Variants in GAN observed in about 807,000 individuals in gnomAD.
GAN encodes the protein epididymis secretory sperm binding protein.
A neutral mutation model predicts 71.3 loss-of-function variants in GAN; 48 were observed. The ratio of observed to expected loss-of-function variants is 0.67; its 90% CI spans 0.53 to 0.86. The LOEUF is 0.86. Among genes scored for constraint, GAN ranks in the 40% least tolerant of loss-of-function variants. The pLI is 0.00. For missense variants in GAN, 928 were observed against 770.1 expected, an observed-to-expected ratio of 1.21 and a Z score of -2.43; for synonymous variants, 386 against 276.8, an observed-to-expected ratio of 1.39 and a Z score of -3.92.
At chr16:81,319,733 G>C (rs1183857205) in intron 1 of GAN, among the ~76,000 whole-genome samples, 1 of 151,758 alleles carries the variant, frequency 6.6e-6, no homozygotes, top group African/African-American at 2.4e-5. Context: ...TTTGAGAGAA[G>C]GCAGGTCTAG....
At chr16:81,327,497 C>G (rs571870832) in intron 1 of GAN, among the ~76,000 whole-genome samples, 71 of 152,278 alleles carry the variant, frequency 4.7e-4, no homozygotes, top group African/African-American at 1.5e-3. Flanking sequence ...TTAAAGTTCA[C>G]TTAATGCTTC....
Position 81,365,572 on chromosome 16 carries a change from A to G in GAN, c.1502+94A>G, listed in dbSNP as rs895157388. The stretch of plus-strand genomic sequence containing the variant: ...GTTTAGTTTTGTTTTCAGTCACTTT[A>G]TTAAATTATGGATTTAGGAGATAAC... On this transcript the variant is annotated intron_variant, in intron 9 of 10. Transcript: ENST00000648994. The G allele has an allele frequency of 4.0e-6, 5 of 1,255,428 alleles. No homozygotes were observed. The African/African-American group carries it at 7.4e-5, about 19-fold the overall frequency. The allele number at this position is 1,255,428 out of a possible 1,614,324, so 77.8% of individuals were successfully genotyped here.
chr16:81,345,895 G>A (rs1217098121), intron 1 of GAN, among the ~76,000 whole-genome samples: 1 of 152,194 alleles, frequency 6.6e-6, no homozygotes, highest in Non-Finnish European at 1.5e-5. Flanking sequence ...CAGATCATCA[G>A]ACATTAGATT....
In GAN at chr16:81,315,127, G is replaced by C. The variant is rs768368918; in HGVS notation, c.14G>C (p.Ser5Thr). ...GCGGGCGCCGCGATGGCTGAGGGCA[G>C]TGCCGTGTCTGACCCTCAGCACGCC... The part of the protein sequence containing the change: MAEG[S>T]AVSDPQHAAR... The change falls in exon 1 of 11, where the codon AGT becomes ACT. Residue 5 changes from serine to threonine, a missense_variant. Ser to Thr is a moderately conservative substitution (Grantham distance 58). Coordinates refer to ENST00000648994, the MANE Select transcript of GAN (RefSeq NM_022041.4). The C allele has an allele frequency of 1.3e-6, 2 of 1,519,456 alleles. No homozygotes were observed. Among genetic ancestry groups the C allele is most frequent in the Admixed American group, 2.1e-5 (1 of 48,478 alleles). 94.1% of individuals were successfully genotyped at this position (1,519,456 alleles called of 1,614,324 possible). A position where few individuals can be genotyped will look rare whatever the true frequency, so the allele number is the denominator to read the frequency against.
Position 81,382,437 on chromosome 16 carries a change from C to T in GAN, c.*4841C>T, listed in dbSNP as rs552712982. ...TATAGGAAGGTTAAGAATTTATTTACTAAGGTCGTAAGAACAGAAGAAAGT... is the reference window on the plus strand; with the variant it reads ...TATAGGAAGGTTAAGAATTTATTTATTAAGGTCGTAAGAACAGAAGAAAGT... On this transcript the variant is annotated 3_prime_UTR_variant, in exon 11 of 11. Transcript: ENST00000648994. The T allele has an allele frequency of 1.3e-5, 2 of 152,278 alleles. No individual in the cohort carries two copies. Among genetic ancestry groups the T allele is most frequent in the Admixed American group, 6.5e-5 (1 of 15,304 alleles). 9.4% of individuals were successfully genotyped at this position (152,278 alleles called of 1,614,324 possible).
At chr16:81,338,707 C>T (rs1472788076) in intron 1 of GAN, among the ~76,000 whole-genome samples, 1 of 152,146 alleles carries the variant, frequency 6.6e-6, no homozygotes, top group Non-Finnish European at 1.5e-5. Flanking sequence ...TGTGTAGTTA[C>T]TAAATTAGAA....
At chr16:81,361,592 CT>C (rs1335598593) in intron 5 of GAN, among the ~76,000 whole-genome samples, 2 of 152,332 alleles carry the variant, frequency 1.3e-5, no homozygotes, top group East Asian at 3.9e-4. Flanking sequence ...TAGAAATGCC[CT>C]CAGTGTAAAA....
chr16:81,357,520 G>A (rs1214286010), intron 4 of GAN, among the ~76,000 whole-genome samples: 1 of 152,088 alleles, frequency 6.6e-6, no homozygotes, highest in Non-Finnish European at 1.5e-5. Flanking sequence ...TGGACATTTG[G>A]GTTGGTTCCA....
chr16:81,333,556 T>C (rs1268656539), intron 1 of GAN, among the ~76,000 whole-genome samples: 1 of 152,208 alleles, frequency 6.6e-6, no homozygotes, highest in Non-Finnish European at 1.5e-5. Context: ...GGGTACTTTC[T>C]ATCATGAAAC....
intron 1 of GAN, among the ~76,000 whole-genome samples, chr16:81,323,594 C>T (rs1361089023): frequency 6.6e-6 from 1 of 152,140 alleles, no homozygotes; most frequent in East Asian, 1.9e-4. Context: ...TGTATTGTTT[C>T]TTCACAGATA....
At chr16:81,337,920 G>C (rs931401056) in intron 1 of GAN, among the ~76,000 whole-genome samples, 3 of 152,186 alleles carry the variant, frequency 2.0e-5, no homozygotes, top group African/African-American at 4.8e-5. Flanking sequence ...GATTTGGCCA[G>C]AGTTAAGCCT....
At chr16:81,344,718 A>C (rs1014041769) in intron 1 of GAN, among the ~76,000 whole-genome samples, 2 of 152,188 alleles carry the variant, frequency 1.3e-5, no homozygotes, top group Admixed American at 1.3e-4. Context: ...CATGTCTAAA[A>C]CACCAAAAGC....
intron 1 of GAN, among the ~76,000 whole-genome samples, chr16:81,316,811 A>G (rs1368898682): frequency 1.3e-5 from 2 of 152,058 alleles, no homozygotes; most frequent in Non-Finnish European, 2.9e-5. Flanking sequence ...TTACACATTT[A>G]CTTTGGTGGT....
rs1033994991 is a variant in GAN at position 81,335,777 on chromosome 16, T to C, written c.168-15806T>C. ...AAAAAAAAAAAAAAATCCATTCAAA[T>C]GATGAGTCATTCTAAGATCTGTGTG... On this transcript the variant is annotated intron_variant, in intron 1 of 10. Coordinates refer to ENST00000648994, the MANE Select transcript of GAN (RefSeq NM_022041.4). Among the ~76,000 whole-genome samples, 3 of 143,646 alleles carry C rather than the reference T, an allele frequency of 2.1e-5. No individual in the cohort carries two copies. In the East Asian group the frequency reaches 6.1e-4, roughly 29 times the overall value. The allele number at this position is 143,646 out of a possible 152,430, so 94.2% of individuals were successfully genotyped here.
intron 1 of GAN, among the ~76,000 whole-genome samples, chr16:81,324,178 T>A (rs1171021041): frequency 6.6e-6 from 1 of 152,192 alleles, no homozygotes. Flanking sequence ...CAGAAATGAC[T>A]TTCTTTAAGT....
intron 1 of GAN, among the ~76,000 whole-genome samples, chr16:81,339,409 T>C (rs776397804): frequency 1.8e-4 from 27 of 152,222 alleles, no homozygotes; most frequent in Non-Finnish European, 3.5e-4. Flanking sequence ...AAAAATCATA[T>C]GTGAGAGCAC....
Position 81,363,937 on chromosome 16 carries a change from C to T in GAN, c.1230C>T (p.Val410=). 3 of 1,612,680 alleles carry T rather than the reference C, an allele frequency of 1.9e-6. No homozygotes were observed. The highest frequency in any genetic ancestry group is 2.5e-6 in the Non-Finnish European group (3 of 1,178,684). ...TWTKQPDLTM[V]RKIGCYAAMK... Reference sequence around the variant, plus strand: ...CAAAGCAACCTGATTTGACCATGGTCAGAAAGGTGAGGACTGCATTTTGTG... The same window carrying T: ...CAAAGCAACCTGATTTGACCATGGTTAGAAAGGTGAGGACTGCATTTTGTG... The change falls in exon 7 of 11, where the codon GTC becomes GTT. Residue 410 remains valine, a synonymous_variant. Transcript: ENST00000648994.
chr16:81,345,646 G>C (rs184178862), intron 1 of GAN, among the ~76,000 whole-genome samples: 1 of 152,156 alleles, frequency 6.6e-6, no homozygotes, highest in East Asian at 1.9e-4. Context: ...TCTGATGTAG[G>C]TGACGGGTTA....
At chr16:81,376,690 A>G (rs191005754) in intron 9 of GAN, among the ~76,000 whole-genome samples, 6 of 150,876 alleles carry the variant, frequency 4.0e-5, no homozygotes, top group Admixed American at 3.3e-4. Flanking sequence ...GTATATGTGT[A>G]TATATATGCA....
Sources: allele counts gnomAD v4.1 joint callset (sites outside exome capture counted in the v4.1 genomes callset), GRCh38; gene constraint gnomAD v4.1.1; transcripts MANE v1.5; gene names NCBI Gene and HGNC (gene_info 2026-07-23, HGNC 2026-07-21).